RHBDD1: variants seen among roughly 807,000 people sequenced by gnomAD.
RHBDD1 encodes rhomboid domain containing 1.
In RHBDD1, 38 loss-of-function variants were observed where a neutral mutation model predicts 36.3. The ratio of observed to expected loss-of-function variants is 1.05; its 90% CI spans 0.81 to 1.37. The LOEUF (loss-of-function observed/expected upper bound fraction) is 1.37, where lower values mean the gene tolerates loss of function less well. Ranked by LOEUF, RHBDD1 falls within the 40% of genes most tolerant of loss-of-function variation. The pLI is 0.00. For missense variants in RHBDD1, 393 were observed against 377.6 expected, an observed-to-expected ratio of 1.04 and a Z score of -0.34; for synonymous variants, 151 against 136.5, an observed-to-expected ratio of 1.11 and a Z score of -0.74.
chr2:226,996,246 A>T lies in RHBDD1; in HGVS notation c.*724A>T, dbSNP rs1013652608. 1.3e-5 allele frequency: 2 copies of T among 152,398 alleles called. No individual in the cohort carries two copies. The highest frequency in any genetic ancestry group is 4.8e-5 in the African/African-American group (2 of 41,464). 9.4% of individuals were successfully genotyped at this position (152,398 alleles called of 1,614,324 possible). A position where few individuals can be genotyped will look rare whatever the true frequency, so the allele number is the denominator to read the frequency against. On this transcript the variant is annotated 3_prime_UTR_variant, in exon 9 of 9. Transcript: ENST00000392062. Reference sequence around the variant, plus strand: ...CCCAGTGGCAGCTTGTGTGTCCAGGAGATAGGACATCATTTAACGCATCAG... The same window carrying T: ...CCCAGTGGCAGCTTGTGTGTCCAGGTGATAGGACATCATTTAACGCATCAG...
chr2:226,917,619 T>C (rs1024646718), intron 8 of RHBDD1, among the ~76,000 whole-genome samples: 1 of 152,126 alleles, frequency 6.6e-6, no homozygotes, highest in Admixed American at 6.5e-5. Flanking sequence ...GACTAAATGA[T>C]CCAGAGTTTG....
intron 5 of RHBDD1, among the ~76,000 whole-genome samples, chr2:226,890,996 C>G (rs1946634680): frequency 1.3e-5 from 2 of 152,126 alleles, no homozygotes; most frequent in Admixed American, 1.3e-4. Context: ...TCTCACTAAC[C>G]ACCCACCCCC....
intron 8 of RHBDD1, among the ~76,000 whole-genome samples, chr2:226,992,045 A>G (rs1958343218): frequency 6.6e-6 from 1 of 152,242 alleles, no homozygotes; most frequent in African/African-American, 2.4e-5. Flanking sequence ...GTGAGTACAT[A>G]TCAGAAACAC....
chr2:226,860,222 T>C (rs967662899), intron 3 of RHBDD1, among the ~76,000 whole-genome samples: 28 of 152,060 alleles, frequency 1.8e-4, no homozygotes, highest in Admixed American at 1.3e-3. Context: ...TTGGGGCATG[T>C]TGAGTCTGGT....
At chr2:226,918,764 A>G (rs1949095401) in intron 8 of RHBDD1, among the ~76,000 whole-genome samples, 1 of 152,090 alleles carries the variant, frequency 6.6e-6, no homozygotes, top group Non-Finnish European at 1.5e-5. Flanking sequence ...GAATAGTGCT[A>G]CAGTAAACAT....
At chr2:226,887,146 G>C (rs114687354) in intron 5 of RHBDD1, among the ~76,000 whole-genome samples, 1 of 152,068 alleles carries the variant, frequency 6.6e-6, no homozygotes, top group Non-Finnish European at 1.5e-5. Flanking sequence ...AACTTTTTCT[G>C]TTCTAAGACT....
intron 3 of RHBDD1, among the ~76,000 whole-genome samples, chr2:226,855,460 T>C (rs1252723140): frequency 1.3e-5 from 2 of 152,198 alleles, no homozygotes; most frequent in African/African-American, 4.8e-5. Flanking sequence ...GCTATGATTG[T>C]ACCACTGCAC....
intron 8 of RHBDD1, among the ~76,000 whole-genome samples, chr2:226,939,167 A>G (rs1332859897): frequency 2.0e-5 from 3 of 152,212 alleles, no homozygotes; most frequent in African/African-American, 7.2e-5. Context: ...CCCACAGCCA[A>G]TATCATACTG....
chr2:226,998,163 AGAG>A lies in RHBDD1; in HGVS notation c.*2646_*2648del, dbSNP rs1959939649. ...ATGCAGAATCTTTACTTGGTTCTGA[AGAG>A]GAGGCAGTAGTTAAAATTGCTTCCT... On this transcript the variant is annotated 3_prime_UTR_variant, in exon 9 of 9. Transcript: ENST00000392062. The A allele has an allele frequency of 6.6e-6, 1 of 152,224 alleles. No individual in the cohort carries two copies. The highest frequency in any genetic ancestry group is 2.4e-5 in the African/African-American group (1 of 41,460). 9.4% of individuals were successfully genotyped at this position (152,224 alleles called of 1,614,324 possible). A position where few individuals can be genotyped will look rare whatever the true frequency, so the allele number is the denominator to read the frequency against.
intron 8 of RHBDD1, among the ~76,000 whole-genome samples, chr2:226,948,554 A>C (rs1951164118): frequency 7.5e-6 from 1 of 132,536 alleles, no homozygotes. Flanking sequence ...GTACCCTAAA[A>C]CTTAAAGTAT....
At chr2:226,913,041 A>G (rs10193404) in intron 7 of RHBDD1, among the ~76,000 whole-genome samples, 66,319 of 151,988 alleles carry the variant, frequency 0.44, 14,628 homozygotes, top group South Asian at 0.5. Flanking sequence ...ATTCATAAAG[A>G]ATACAACAGT....
Position 226,885,392 on chromosome 2 carries a change from G to A in RHBDD1, c.566+18074G>A, listed in dbSNP as rs1041989777. ...ATATCAGCATATGTATTGTAATGAT[G>A]TATCAGAAAATGGAGAACCCCCTAA... On this transcript the variant is annotated intron_variant, in intron 5 of 8. Coordinates refer to ENST00000392062, the MANE Select transcript of RHBDD1 (RefSeq NM_001167608.3). 9.2e-5 allele frequency among the ~76,000 whole-genome samples: 14 copies of A among 152,196 alleles called. No individual in the cohort carries two copies. In the South Asian group the frequency reaches 1.9e-3, roughly 20 times the overall value.
intron 8 of RHBDD1, among the ~76,000 whole-genome samples, chr2:226,939,520 T>C (rs1950539733): frequency 6.6e-6 from 1 of 152,096 alleles, no homozygotes; most frequent in African/African-American, 2.4e-5. Context: ...GAACTCCCAT[T>C]CACAGTTGCT....
At chr2:226,858,826 C>T (rs1943571178) in intron 3 of RHBDD1, among the ~76,000 whole-genome samples, 1 of 152,064 alleles carries the variant, frequency 6.6e-6, no homozygotes, top group Admixed American at 6.6e-5. Flanking sequence ...TTCAAGAAAC[C>T]TTCCATTTCT....
intron 5 of RHBDD1, chr2:226,895,632 TA>T (rs1471814062): frequency 3.1e-6 from 3 of 982,502 alleles, no homozygotes; most frequent in Non-Finnish European, 3.6e-6. Context: ...CCTTTGCTTT[TA>T]TTTAATTTAG....
chr2:226,913,517 T>G (rs1948668043), intron 7 of RHBDD1, among the ~76,000 whole-genome samples: 1 of 152,176 alleles, frequency 6.6e-6, no homozygotes, highest in South Asian at 2.1e-4. Context: ...AAAAATGAAC[T>G]TTTCCCTGTT....
At chr2:226,990,410 A>G (rs539824476) in intron 8 of RHBDD1, among the ~76,000 whole-genome samples, 2 of 152,194 alleles carry the variant, frequency 1.3e-5, no homozygotes, top group East Asian at 3.9e-4. Flanking sequence ...AAAAAAAGTG[A>G]TTGCCTCTTT....
In RHBDD1 at chr2:226,914,648, A is replaced by G. The variant is rs368254291; in HGVS notation, c.856+297A>G. The G allele has an allele frequency of 2.6e-4, 44 of 171,528 alleles. No homozygotes were observed. In the South Asian group the frequency reaches 8.3e-3, roughly 32 times the overall value. The allele number at this position is 171,528 out of a possible 1,614,324, so 10.6% of individuals were successfully genotyped here. The stretch of plus-strand genomic sequence containing the variant: ...AACTTAAAATTCTTAGATGCATGAT[A>G]AAAAAAAGAGAGATTTTCTTTGGAA... On this transcript the variant is annotated intron_variant, in intron 8 of 8. Transcript: ENST00000392062.
chr2:226,958,702 C>CTGTGTGTGTGTGTGTG lies in RHBDD1; in HGVS notation c.857-36701_857-36686dup, dbSNP rs10666758. 5.9e-4 allele frequency among the ~76,000 whole-genome samples: 82 copies of CTGTGTGTGTGTGTGTG among 138,936 alleles called. 1 individual carries two copies. Among genetic ancestry groups the CTGTGTGTGTGTGTGTG allele is most frequent in the African/African-American group, 2.1e-3 (78 of 37,198 alleles). 91.1% of individuals were successfully genotyped at this position (138,936 alleles called of 152,430 possible). A position where few individuals can be genotyped will look rare whatever the true frequency, so the allele number is the denominator to read the frequency against. ...TTTGAGTTTAGGATGAAGGATTTTT[C>CTGTGTGTGTGTGTGTG]TGTGTGTGTGTGTGTGTGTGTGTGT... On this transcript the variant is annotated intron_variant, in intron 8 of 8. Transcript: ENST00000392062.
Sources: allele counts gnomAD v4.1 joint callset (sites outside exome capture counted in the v4.1 genomes callset), GRCh38; gene constraint gnomAD v4.1.1; transcripts MANE v1.5; gene names NCBI Gene and HGNC (gene_info 2026-07-23, HGNC 2026-07-21).